The following COMMD10 variants were observed in gnomAD, a reference collection of about 807,000 sequenced individuals.
COMMD10 encodes COMM domain-containing protein 10.
In COMMD10, 33 loss-of-function variants were observed where a neutral mutation model predicts 28.9. That is an observed-to-expected ratio of 1.14 (90% CI 0.87 to 1.53). COMMD10 has a LOEUF of 1.53. Ranked by LOEUF, COMMD10 falls within the 40% of genes most tolerant of loss-of-function variation. The probability of loss-of-function intolerance (pLI) is 0.00; values close to 1 mark genes in which losing one functional copy is unlikely to be tolerated. For missense variants in COMMD10, 310 were observed against 233.4 expected, an observed-to-expected ratio of 1.33 and a Z score of -2.14; for synonymous variants, 110 against 81.7, an observed-to-expected ratio of 1.35 and a Z score of -1.87.
chr5:116,135,053 A>G (rs1334030072), intron 5 of COMMD10, among the ~76,000 whole-genome samples: 1 of 152,218 alleles, frequency 6.6e-6, no homozygotes, highest in Non-Finnish European at 1.5e-5. Context: ...TATATCTTTC[A>G]GATATGATAA....
At chr5:116,119,560 A>G (rs946410566) in intron 4 of COMMD10, among the ~76,000 whole-genome samples, 1 of 151,702 alleles carries the variant, frequency 6.6e-6, no homozygotes, top group Non-Finnish European at 1.5e-5. Context: ...TTTATAGGTT[A>G]TATATTGTAT....
At chr5:116,247,054 A>G (rs941829654) in intron 5 of COMMD10, among the ~76,000 whole-genome samples, 3 of 152,088 alleles carry the variant, frequency 2.0e-5, no homozygotes, top group African/African-American at 4.8e-5. Context: ...AATGGGAGAA[A>G]ATCTTTGCAA....
intron 5 of COMMD10, among the ~76,000 whole-genome samples, chr5:116,134,862 C>T (rs1751979595): frequency 6.6e-6 from 1 of 151,980 alleles, no homozygotes; most frequent in African/African-American, 2.4e-5. Flanking sequence ...ACCTTGTGAT[C>T]CACCCCCCTC....
chr5:116,159,106 G>A (rs1561638597), intron 5 of COMMD10, among the ~76,000 whole-genome samples: 1 of 152,072 alleles, frequency 6.6e-6, no homozygotes, highest in African/African-American at 2.4e-5. Context: ...TCTCATAATA[G>A]TCATACTTTT....
At chr5:116,137,865 T>C (rs1453323827) in intron 5 of COMMD10, among the ~76,000 whole-genome samples, 1 of 151,964 alleles carries the variant, frequency 6.6e-6, no homozygotes, top group Non-Finnish European at 1.5e-5. Context: ...GTATTCTAGT[T>C]GTTTTTGGTT....
At chr5:116,111,772 A>G (rs1751053089) in intron 4 of COMMD10, among the ~76,000 whole-genome samples, 1 of 152,220 alleles carries the variant, frequency 6.6e-6, no homozygotes, top group Non-Finnish European at 1.5e-5. Flanking sequence ...AATGTTCTAT[A>G]AATGTGTGTT....
At chr5:116,116,014 C>T (rs539139806) in intron 4 of COMMD10, among the ~76,000 whole-genome samples, 1 of 152,190 alleles carries the variant, frequency 6.6e-6, no homozygotes, top group African/African-American at 2.4e-5. Context: ...GTGATTTTCT[C>T]CTGCTAAGAA....
At chr5:116,172,939 A>C (rs1312692935) in intron 5 of COMMD10, among the ~76,000 whole-genome samples, 1 of 152,142 alleles carries the variant, frequency 6.6e-6, no homozygotes, top group African/African-American at 2.4e-5. Flanking sequence ...TATGTAACAC[A>C]ATCAGATCTT....
intron 4 of COMMD10, among the ~76,000 whole-genome samples, chr5:116,119,196 T>C (rs79673450): frequency 0.019 from 2,960 of 152,300 alleles, 88 homozygotes; most frequent in African/African-American, 0.062. Flanking sequence ...TTTGGTACTT[T>C]GGTCAAGTCT....
intron 5 of COMMD10, among the ~76,000 whole-genome samples, chr5:116,206,624 C>T (rs1476739705): frequency 1.3e-5 from 2 of 151,756 alleles, no homozygotes; most frequent in Admixed American, 6.6e-5. Flanking sequence ...TGTACTCCAG[C>T]TTGGGCAACA....
At chr5:116,289,501 A>T (rs1373761599) in intron 5 of COMMD10, among the ~76,000 whole-genome samples, 3 of 151,764 alleles carry the variant, frequency 2.0e-5, no homozygotes, top group African/African-American at 7.3e-5. Context: ...CAGCTCTAAT[A>T]TGCCTCTCAC....
chr5:116,255,044 A>G (rs1231870387), intron 5 of COMMD10, among the ~76,000 whole-genome samples: 2 of 151,710 alleles, frequency 1.3e-5, no homozygotes, highest in East Asian at 3.9e-4. Context: ...TCCCTTTAGC[A>G]GGATGTAATG....
chr5:116,172,069 C>A (rs9326996), intron 5 of COMMD10, among the ~76,000 whole-genome samples: 41 of 152,136 alleles, frequency 2.7e-4, no homozygotes, highest in African/African-American at 9.6e-4. Flanking sequence ...GTGGTATGTC[C>A]AGAGCTTACA....
At chr5:116,114,107 G>A (rs186845486) in intron 4 of COMMD10, among the ~76,000 whole-genome samples, 2 of 152,230 alleles carry the variant, frequency 1.3e-5, no homozygotes, top group Admixed American at 6.5e-5. Context: ...GATGGAGGAT[G>A]TGGTGAAATT....
chr5:116,098,317 T>A (rs929983512), intron 4 of COMMD10, among the ~76,000 whole-genome samples: 2 of 152,176 alleles, frequency 1.3e-5, no homozygotes, highest in East Asian at 3.8e-4. Context: ...GTACATGCAA[T>A]GACTTTAACT....
intron 5 of COMMD10, among the ~76,000 whole-genome samples, chr5:116,169,774 G>C (rs1009150551): frequency 6.6e-6 from 1 of 152,140 alleles, no homozygotes; most frequent in Admixed American, 6.5e-5. Flanking sequence ...AAAGGCCTTC[G>C]ATAAAATTCA....
At chr5:116,131,385 A>G (rs1444798429) in intron 4 of COMMD10, among the ~76,000 whole-genome samples, 1 of 149,784 alleles carries the variant, frequency 6.7e-6, no homozygotes, top group African/African-American at 2.5e-5. Flanking sequence ...TGGGAGGGGT[A>G]TGTGTGTGTG....
chr5:116,130,683 C>G (rs1339817435), intron 4 of COMMD10, among the ~76,000 whole-genome samples: 2 of 151,938 alleles, frequency 1.3e-5, no homozygotes, highest in African/African-American at 4.8e-5. Flanking sequence ...TAAGTGGCGA[C>G]TCTAATTTGT....
chr5:116,231,710 A>C (rs902351227), intron 5 of COMMD10, among the ~76,000 whole-genome samples: 21 of 152,098 alleles, frequency 1.4e-4, no homozygotes, highest in Admixed American at 8.5e-4. Context: ...TGCTCTTTTA[A>C]AATTCTCATT....
Sources: allele counts gnomAD v4.1 joint callset (sites outside exome capture counted in the v4.1 genomes callset), GRCh38; gene constraint gnomAD v4.1.1; transcripts MANE v1.5; gene names NCBI Gene and HGNC (gene_info 2026-07-23, HGNC 2026-07-21).